Variants in CDC5L observed in about 807,000 individuals in gnomAD.
CDC5L encodes cell division cycle 5 like, also known as cell division cycle 5-like protein.
A neutral mutation model predicts 104.1 loss-of-function variants in CDC5L; 18 were observed. The observed-to-expected ratio is 0.17, with a 90% CI of 0.12 to 0.26. The LOEUF (loss-of-function observed/expected upper bound fraction) is 0.26. Ranked by LOEUF, CDC5L falls within the 10% of genes least tolerant of loss-of-function variation. The pLI, the probability that CDC5L is intolerant of heterozygous loss-of-function variation, is 1.00. For synonymous variants in CDC5L, 331 were observed against 322.7 expected (o/e 1.03, Z -0.28); for missense variants, 673 against 956.9 (o/e 0.70, Z 3.91).
chr6:44,436,122 T>A (rs922667070), intron 14 of CDC5L, among the ~76,000 whole-genome samples: 2 of 152,124 alleles, frequency 1.3e-5, no homozygotes, highest in Non-Finnish European at 2.9e-5. Flanking sequence ...TGAGATAATA[T>A]AAGATTAAAT....
chr6:44,392,639 A>C, intron 2 of CDC5L, 28 bp from the exon 3 acceptor site: 1 of 1,595,814 alleles, frequency 6.3e-7, no homozygotes, highest in Non-Finnish European at 8.6e-7. Context: ...GTAACTGATT[A>C]ATATATAAAA....
chr6:44,426,280 A>C lies in CDC5L; in HGVS notation c.1650+97A>C, dbSNP rs954200570. 33 of 903,214 alleles carry C rather than the reference A, an allele frequency of 3.7e-5. No individual in the cohort carries two copies. The African/African-American group carries it at 4.9e-4, about 14-fold the overall frequency. The allele number at this position is 903,214 out of a possible 1,614,324, so 55.9% of individuals were successfully genotyped here. A position where few individuals can be genotyped will look rare whatever the true frequency, so the allele number is the denominator to read the frequency against. ...CATAAAGACTATAAAACAAAATTTC[A>C]TCTACTTTCTGGAATATAGCAAAGT... On this transcript the variant is annotated intron_variant, in intron 12 of 15. Transcript: ENST00000371477.
intron 2 of CDC5L, among the ~76,000 whole-genome samples, chr6:44,391,743 C>A (rs1372557632): frequency 2.6e-5 from 4 of 151,394 alleles, no homozygotes; most frequent in African/African-American, 7.3e-5. Flanking sequence ...CGTGGTGGCT[C>A]ACATCTGTAA....
intron 15 of CDC5L, 35 bp from the exon 16 acceptor site, chr6:44,446,572 C>A: frequency 1.0e-6 from 1 of 1,004,354 alleles, no homozygotes. Context: ...AGTATAGTTA[C>A]ATCTAAAATA....
rs780948856 is a variant in CDC5L, at chr6:44,429,706, T to G, written c.1894-7T>G. The G allele has an allele frequency of 4.3e-6, 7 of 1,612,206 alleles. No individual in the cohort carries two copies. The highest frequency in any genetic ancestry group is 2.7e-5 in the African/African-American group (2 of 74,852). ...CTTAAACTTATTGAAATTATTATTG[T>G]AAACAGGCCCAGGATGTTTTGGTGC... On this transcript the variant is annotated splice_polypyrimidine_tract_variant and splice_region_variant and intron_variant, in intron 13 of 15. Transcript: ENST00000371477.
intron 14 of CDC5L, among the ~76,000 whole-genome samples, chr6:44,435,313 A>T (rs1031291950): frequency 1.1e-4 from 16 of 152,052 alleles, no homozygotes; most frequent in Non-Finnish European, 1.5e-5. Context: ...ATAGCTTGTT[A>T]ATAAAAGAAT....
rs770328705 is a variant in CDC5L at position 44,447,734 on chromosome 6, T to G, written c.*1023T>G. On this transcript the variant is annotated 3_prime_UTR_variant, in exon 16 of 16. Coordinates refer to ENST00000371477, the MANE Select transcript of CDC5L (RefSeq NM_001253.4). The stretch of plus-strand genomic sequence containing the variant: ...AAACAAAATAGGCCTAGTTCTTGTT[T>G]AGTAGAGCTTATAGTCTTTTGAGAA... 18 of 152,186 alleles carry G rather than the reference T, an allele frequency of 1.2e-4. No homozygotes were observed. The highest frequency in any genetic ancestry group is 2.6e-4 in the Admixed American group (4 of 15,282). 9.4% of individuals were successfully genotyped at this position (152,186 alleles called of 1,614,324 possible).
At chr6:44,441,391 C>G (rs1793181693) in intron 14 of CDC5L, among the ~76,000 whole-genome samples, 1 of 152,204 alleles carries the variant, frequency 6.6e-6, no homozygotes, top group Admixed American at 6.5e-5. Context: ...CGTGTCTTGG[C>G]TGTTGTGGAT....
chr6:44,415,687 A>T (rs577056389), intron 8 of CDC5L, among the ~76,000 whole-genome samples: 1 of 152,274 alleles, frequency 6.6e-6, no homozygotes, highest in South Asian at 2.1e-4. Context: ...TCTTGCACAC[A>T]TCATTCTGTC....
chr6:44,446,787 T>TG lies in CDC5L; in HGVS notation c.*76_*77insG. 1.4e-6 allele frequency: 1 copy of TG among 708,412 alleles called. No individual in the cohort carries two copies. Among genetic ancestry groups the TG allele is most frequent in the South Asian group, 1.9e-5 (1 of 53,252 alleles). 43.9% of individuals were successfully genotyped at this position (708,412 alleles called of 1,614,324 possible). On this transcript the variant is annotated 3_prime_UTR_variant, in exon 16 of 16. Coordinates refer to ENST00000371477, the MANE Select transcript of CDC5L (RefSeq NM_001253.4). ...TCTAGAAGGCTGAAACTGATGTTTA[T>TG]CTTCATTGACAAATTTACCCACCAT...
intron 14 of CDC5L, among the ~76,000 whole-genome samples, chr6:44,440,853 G>A (rs909999090): frequency 3.3e-5 from 5 of 151,826 alleles, no homozygotes; most frequent in Admixed American, 6.6e-5. Flanking sequence ...GACTACAGGC[G>A]TGTGCCACCT....
At position 44,448,493 on chromosome 6, in the gene CDC5L, A is replaced by G. The variant is rs1561983402; in HGVS notation, c.*1782A>G. 1 of 152,242 alleles carries G rather than the reference A, an allele frequency of 6.6e-6. No individual in the cohort carries two copies. Among genetic ancestry groups the G allele is most frequent in the Non-Finnish European group, 1.5e-5 (1 of 68,036 alleles). The allele number at this position is 152,242 out of a possible 1,614,324, so 9.4% of individuals were successfully genotyped here. On this transcript the variant is annotated 3_prime_UTR_variant, in exon 16 of 16. Coordinates refer to ENST00000371477, the MANE Select transcript of CDC5L (RefSeq NM_001253.4). ...CTGATGCAGTGATCCAGACAAAAAAATAATAGTGATTCTAACTAGAGTCCA... is the reference window on the plus strand; with the variant it reads ...CTGATGCAGTGATCCAGACAAAAAAGTAATAGTGATTCTAACTAGAGTCCA...
At position 44,430,139 on chromosome 6, in the gene CDC5L, A is replaced by G. The variant is rs546806346; in HGVS notation, c.2091+229A>G. ...TAAAGAATTGTTGGCCTTCATGACT[A>G]AAGAGTGCCCTGCAAGTTGACCAGA... On this transcript the variant is annotated intron_variant, in intron 14 of 15. Transcript: ENST00000371477. 3.3e-5 allele frequency among the ~76,000 whole-genome samples: 5 copies of G among 151,024 alleles called. No individual in the cohort carries two copies. In the East Asian group the frequency reaches 7.9e-4, roughly 24 times the overall value.
chr6:44,427,640 A>T (rs140751221), intron 13 of CDC5L, among the ~76,000 whole-genome samples: 1 of 152,158 alleles, frequency 6.6e-6, no homozygotes, highest in Non-Finnish European at 1.5e-5. Flanking sequence ...TTTATATTTC[A>T]ATAACTTGTC....
chr6:44,397,680 A>G (rs1033772906), intron 5 of CDC5L, among the ~76,000 whole-genome samples: 2 of 152,206 alleles, frequency 1.3e-5, no homozygotes, highest in African/African-American at 4.8e-5. Flanking sequence ...CTTGATTGGT[A>G]TTGGGAAGGC....
In CDC5L at chr6:44,424,328, C is replaced by G. The variant is rs1473018415; in HGVS notation, c.1405-91C>G. 23 of 1,077,240 alleles carry G rather than the reference C, an allele frequency of 2.1e-5. No individual in the cohort carries two copies. The East Asian group carries it at 5.6e-4, about 26-fold the overall frequency. The allele number at this position is 1,077,240 out of a possible 1,614,324, so 66.7% of individuals were successfully genotyped here. The stretch of plus-strand genomic sequence containing the variant: ...GTACAGTTATTTTGACTAGAGTCAC[C>G]CTGTTGTGCTATCAATTTTTAAGAG... On this transcript the variant is annotated intron_variant, in intron 10 of 15. Transcript: ENST00000371477.
intron 15 of CDC5L, 124 bp from the exon 16 acceptor site, chr6:44,446,483 T>C (rs1793458635): frequency 2.0e-6 from 1 of 490,546 alleles, no homozygotes; most frequent in South Asian, 3.5e-5. Flanking sequence ...TTGTTTCTCT[T>C]TGAGAAATAT....
At chr6:44,388,329 G>GTT (rs1462750898) in intron 1 of CDC5L, among the ~76,000 whole-genome samples, 1 of 152,046 alleles carries the variant, frequency 6.6e-6, no homozygotes, top group African/African-American at 2.4e-5. Context: ...AGGGGAAGCA[G>GTT]TTTGAGTGCC....
intron 2 of CDC5L, among the ~76,000 whole-genome samples, chr6:44,390,903 C>T (rs1046876731): frequency 1.9e-4 from 28 of 145,394 alleles, no homozygotes; most frequent in South Asian, 8.6e-4. Context: ...ATTAAACATA[C>T]TTAATGTTAT....
Sources: allele counts gnomAD v4.1 joint callset (sites outside exome capture counted in the v4.1 genomes callset), GRCh38; gene constraint gnomAD v4.1.1; transcripts MANE v1.5; gene names NCBI Gene and HGNC (gene_info 2026-07-23, HGNC 2026-07-21).